Variants in ZNF761 observed in about 807,000 individuals in gnomAD.
ZNF761 encodes the protein zinc finger protein 761.
In ZNF761, 43 loss-of-function variants were observed where a neutral mutation model predicts 59.9. That is an observed-to-expected ratio of 0.72 (90% confidence interval 0.56 to 0.92). The LOEUF (loss-of-function observed/expected upper bound fraction) is 0.92. Ranked by LOEUF, ZNF761 falls within the 40% of genes least tolerant of loss-of-function variation. ZNF761 has a pLI of 0.00. For synonymous variants in ZNF761, 294 were observed against 304.8 expected (o/e 0.96, Z 0.37); for missense variants, 850 against 906.1 (o/e 0.94, Z 0.79).
intron 1 of ZNF761, chr19:53,444,204 G>T (rs1486908985): frequency 1.3e-5 from 2 of 152,218 alleles, no homozygotes; most frequent in African/African-American, 4.8e-5. Context: ...TAAAGAGTCT[G>T]TGCTGAGGAG....
intron 1 of ZNF761, among the ~76,000 whole-genome samples, chr19:53,436,359 GT>G (rs1421422914): frequency 6.6e-6 from 1 of 152,202 alleles, no homozygotes. Context: ...TTGCATGGCT[GT>G]TCTTAAAGCC....
At chr19:53,441,446 G>GTTTTTTTT (rs1457800114) in intron 1 of ZNF761, among the ~76,000 whole-genome samples, 1 of 88,350 alleles carries the variant, frequency 1.1e-5, no homozygotes, top group African/African-American at 3.8e-5. Flanking sequence ...GGGTTTTTTT[G>GTTTTTTTT]TTTTTTGTTT....
intron 1 of ZNF761, among the ~76,000 whole-genome samples, chr19:53,436,261 T>C (rs1404448434): frequency 6.6e-6 from 1 of 152,244 alleles, no homozygotes; most frequent in African/African-American, 2.4e-5. Flanking sequence ...TTCTACTTTT[T>C]AACCTAAACA....
chr19:53,449,413 C>T lies in ZNF761; in HGVS notation c.16-99C>T, dbSNP rs202001167. On this transcript the variant is annotated intron_variant, in intron 3 of 4. Transcript: ENST00000684525. Reference sequence around the variant, plus strand: ...TTACTCAGATTTGTTAGAACATTCACTGCATTTAAATCCATGCCTTCACCT... The same window carrying T: ...TTACTCAGATTTGTTAGAACATTCATTGCATTTAAATCCATGCCTTCACCT... The T allele has an allele frequency of 5.0e-6, 8 of 1,603,190 alleles. No homozygotes were observed. The Admixed American group carries it at 6.7e-5, about 13-fold the overall frequency.
intron 3 of ZNF761, among the ~76,000 whole-genome samples, chr19:53,449,262 G>A (rs1355616818): frequency 1.3e-5 from 2 of 152,040 alleles, no homozygotes; most frequent in Non-Finnish European, 2.9e-5. Flanking sequence ...CCTAGGAGGT[G>A]GAGGTTGCAG....
intron 1 of ZNF761, among the ~76,000 whole-genome samples, chr19:53,438,492 T>C (rs1264407620): frequency 1.3e-5 from 2 of 152,216 alleles, no homozygotes; most frequent in African/African-American, 4.8e-5. Context: ...TTATGTCTCA[T>C]AGTCTTAAGG....
chr19:53,443,446 GC>G (rs1215700476), intron 1 of ZNF761: 2 of 152,310 alleles, frequency 1.3e-5, no homozygotes, highest in Non-Finnish European at 2.9e-5. Context: ...GGTCCAGGGG[GC>G]CAACGCTAGT....
intron 4 of ZNF761, among the ~76,000 whole-genome samples, chr19:53,454,215 T>A (rs943950283): frequency 4.6e-5 from 7 of 152,232 alleles, no homozygotes; most frequent in African/African-American, 1.7e-4. Flanking sequence ...TTGGTTATCC[T>A]TACATGAGCT....
intron 1 of ZNF761, chr19:53,444,230 A>G (rs1412715764): frequency 6.6e-6 from 1 of 152,194 alleles, no homozygotes; most frequent in Non-Finnish European, 1.5e-5. Flanking sequence ...GTGAAAGAGG[A>G]AGACCTCTTT....
chr19:53,453,635 A>T (rs903725403), intron 4 of ZNF761, among the ~76,000 whole-genome samples: 1 of 152,108 alleles, frequency 6.6e-6, no homozygotes, highest in African/African-American at 2.4e-5. Flanking sequence ...CAGGACTTTG[A>T]GAGGTTGAGG....
intron 1 of ZNF761, among the ~76,000 whole-genome samples, chr19:53,434,672 T>C (rs1022461902): frequency 7.2e-5 from 11 of 152,212 alleles, no homozygotes; most frequent in Admixed American, 2.0e-4. Context: ...TATCTCCTGA[T>C]AATAGAAGTT....
rs772580038 is a variant in ZNF761, at chr19:53,455,227, CAAATAT to C, written c.725_730del (p.Tyr242_Lys243del). 1.9e-6 allele frequency: 3 copies of C among 1,614,108 alleles called. No individual in the cohort carries two copies. Among genetic ancestry groups the C allele is most frequent in the Non-Finnish European group, 1.7e-6 (2 of 1,180,002 alleles). On this transcript the variant is annotated inframe_deletion, in exon 5 of 5. Transcript: ENST00000684525. ...AACATCAGATAATCCATTTAGCAGA[CAAATAT>C]AAATGTGATGTATGTGGCAAGCTCT...
chr19:53,451,671 C>T (rs1033935228), intron 4 of ZNF761, among the ~76,000 whole-genome samples: 6 of 152,050 alleles, frequency 3.9e-5, no homozygotes, highest in Non-Finnish European at 8.8e-5. Flanking sequence ...CAACCTCTCC[C>T]TCCCAGGTTC....
rs1454010936 is a variant in ZNF761 at position 53,449,830 on chromosome 19, G to T, written c.142+192G>T. ...CAGCCTCCCCCGGTAGCTGGTACAG[G>T]TGCATGCCACCATGTTTGGGCAAAT... On this transcript the variant is annotated intron_variant, in intron 4 of 4. Transcript: ENST00000684525. 2.9e-6 allele frequency: 4 copies of T among 1,371,070 alleles called. No homozygotes were observed. The East Asian group carries it at 9.6e-5, about 33-fold the overall frequency. 84.9% of individuals were successfully genotyped at this position (1,371,070 alleles called of 1,614,324 possible). A position where few individuals can be genotyped will look rare whatever the true frequency, so the allele number is the denominator to read the frequency against.
At position 53,457,986 on chromosome 19, in the gene ZNF761, G is replaced by C. The variant is rs185334112; in HGVS notation, c.*1238G>C. ...TTTTTAATCATTTTGATCAATGTTT[G>C]TAGATTTCAAGGTACAAACTTCTGA... On this transcript the variant is annotated 3_prime_UTR_variant, in exon 5 of 5. Transcript: ENST00000684525. 6.6e-6 allele frequency: 1 copy of C among 152,418 alleles called. No homozygotes were observed. Among genetic ancestry groups the C allele is most frequent in the African/African-American group, 2.4e-5 (1 of 41,442 alleles). The allele number at this position is 152,418 out of a possible 1,614,324, so 9.4% of individuals were successfully genotyped here.
intron 4 of ZNF761, chr19:53,450,097 G>A (rs1286342181): frequency 5.0e-5 from 16 of 322,740 alleles, no homozygotes; most frequent in East Asian, 9.7e-5. Context: ...GAGGTCAGGC[G>A]ATCGAGACCA....
intron 1 of ZNF761, among the ~76,000 whole-genome samples, chr19:53,436,330 G>A (rs2147121608): frequency 6.6e-6 from 1 of 152,332 alleles, no homozygotes; most frequent in East Asian, 1.9e-4. Flanking sequence ...ATTCTTTCTT[G>A]TATTCAGTTA....
rs543325235 is a variant in ZNF761 at position 53,433,110 on chromosome 19, G to A, written c.-185+1082G>A. On this transcript the variant is annotated intron_variant, in intron 1 of 4. Coordinates refer to ENST00000684525, the MANE Select transcript of ZNF761 (RefSeq NM_001289951.2). ...AAAGGAGGCGCAGAGATGGTGTTGCGGGAAACTGAGGACTAGACAGACTGA... is the reference window on the plus strand; with the variant it reads ...AAAGGAGGCGCAGAGATGGTGTTGCAGGAAACTGAGGACTAGACAGACTGA... Among the ~76,000 whole-genome samples, 30 of 151,536 alleles carry A rather than the reference G, an allele frequency of 2.0e-4. 1 individual carries two copies. In the South Asian group the frequency reaches 3.7e-3, roughly 19 times the overall value.
intron 1 of ZNF761, among the ~76,000 whole-genome samples, chr19:53,438,246 A>C (rs931714836): frequency 3.3e-5 from 5 of 152,084 alleles, no homozygotes; most frequent in Admixed American, 2.6e-4. Flanking sequence ...TGATCCATCA[A>C]AGTTATGACT....
Sources: allele counts gnomAD v4.1 joint callset (sites outside exome capture counted in the v4.1 genomes callset), GRCh38; gene constraint gnomAD v4.1.1; transcripts MANE v1.5; gene names NCBI Gene and HGNC (gene_info 2026-07-23, HGNC 2026-07-21).